Variants in KRT5 observed in about 807,000 individuals in gnomAD.
KRT5 encodes keratin 5.
A neutral mutation model predicts 44.0 loss-of-function variants in KRT5; 17 were observed. The ratio of observed to expected loss-of-function variants is 0.39; its 90% confidence interval spans 0.26 to 0.58. KRT5 has a LOEUF of 0.58. Ranked by LOEUF, KRT5 falls within the 20% of genes least tolerant of loss-of-function variation. The pLI, the probability that KRT5 is intolerant of heterozygous loss-of-function variation, is 0.61. For synonymous variants in KRT5, 329 were observed against 312.8 expected, an observed-to-expected ratio of 1.05 and a Z score of -0.55; for missense variants, 737 against 785.5, an observed-to-expected ratio of 0.94 and a Z score of 0.74.
Position 52,520,089 on chromosome 12 carries a change from C to T in KRT5, c.208G>A (p.Gly70Ser). ...YGSRSLYNLG[G>S]SKRISISTSG... Reference sequence around the variant, plus strand: ...GTGCTGATGGATATCCTCTTGGAGCCCCCCAGGTTGTAGAGGCTCCGGCTG... The same window carrying T: ...GTGCTGATGGATATCCTCTTGGAGCTCCCCAGGTTGTAGAGGCTCCGGCTG... The change falls in exon 1 of 9, where the codon GGC (glycine) becomes AGC (serine). Residue 70 changes from glycine (G) to serine (S), a missense_variant. This residue lies in a region of KRT5 where 326 missense variants were observed against 333.1 expected (regional missense o/e 0.98). Coordinates refer to ENST00000252242, the MANE Select transcript of KRT5 (RefSeq NM_000424.4). 2 of 1,614,116 alleles carry T rather than the reference C, an allele frequency of 1.2e-6. No individual in the cohort carries two copies. The highest frequency in any genetic ancestry group is 1.7e-6 in the Non-Finnish European group (2 of 1,179,998).
At position 52,520,177 on chromosome 12, in the gene KRT5, AC is replaced by A; in HGVS notation, c.119del (p.Gly40ValfsTer111). 1 of 1,613,428 alleles carries A rather than the reference AC, an allele frequency of 6.2e-7. No homozygotes were observed. The highest frequency in any genetic ancestry group is 8.5e-7 in the Non-Finnish European group (1 of 1,179,702). Reference sequence around the variant, plus strand: ...CCCTGCCGAAGCCACCACCACCGCCACCCCCGGACCGGGACACGGAGGTGAA... The same window carrying A: ...CCCTGCCGAAGCCACCACCACCGCCACCCCGGACCGGGACACGGAGGTGAA... Reference protein sequence around the residue: ...TSFTSVSRSGGGGGGGFGRVS... With the variant: ...TSFTSVSRSGXGGGGGFGRVS... On this transcript the variant is annotated frameshift_variant, in exon 1 of 9. Coordinates refer to ENST00000252242, the MANE Select transcript of KRT5 (RefSeq NM_000424.4). LOFTEE classifies it high-confidence loss of function.
Position 52,514,725 on chromosome 12 carries a change from T to C in KRT5, c.*217A>G, listed in dbSNP as rs1013801300. On this transcript the variant is annotated 3_prime_UTR_variant, in exon 9 of 9. Coordinates refer to ENST00000252242, the MANE Select transcript of KRT5 (RefSeq NM_000424.4). ...AGCAGGGGCCATGCTGTGGGAAACCTGAAGGCTGATTTGAAGCAGAATATA... is the reference window on the plus strand; with the variant it reads ...AGCAGGGGCCATGCTGTGGGAAACCCGAAGGCTGATTTGAAGCAGAATATA... 1.8e-6 allele frequency: 1 copy of C among 571,388 alleles called. No homozygotes were observed. The highest frequency in any genetic ancestry group is 3.1e-6 in the Non-Finnish European group (1 of 322,966). 35.4% of individuals were successfully genotyped at this position (571,388 alleles called of 1,614,324 possible). A position where few individuals can be genotyped will look rare whatever the true frequency, so the allele number is the denominator to read the frequency against.
chr12:52,515,317 G>A, intron 8 of KRT5, 77 bp from the exon 9 acceptor site: 1 of 1,589,844 alleles, frequency 6.3e-7, no homozygotes, highest in South Asian at 1.1e-5. Context: ...TTGATCTGCT[G>A]GTGTTGGAGC....
At position 52,517,679 on chromosome 12, in the gene KRT5, G is replaced by A. The variant is rs1192274232; in HGVS notation, c.1003C>T (p.Leu335=). ...TTGACCTCAGCGATGATGCTATCCAGGTCCAGGTTGCGGTTGTTGTCCATG... is the reference window on the plus strand; with the variant it reads ...TTGACCTCAGCGATGATGCTATCCAAGTCCAGGTTGCGGTTGTTGTCCATG... ...LSMDNNRNLD[L]DSIIAEVKAQ... Residue 335 remains leucine, a synonymous_variant, in exon 5 of 9, where the codon CTG becomes TTG. Transcript: ENST00000252242. 6.2e-7 allele frequency: 1 copy of A among 1,614,204 alleles called. No homozygotes were observed. Among genetic ancestry groups the A allele is most frequent in the East Asian group, 2.2e-5 (1 of 44,868 alleles).
Position 52,519,947 on chromosome 12 carries a change from A to C in KRT5, c.350T>G (p.Leu117Arg), listed in dbSNP as rs761445270. Residue 117 changes from leucine (L) to arginine (R), a missense_variant, in exon 1 of 9, where the codon CTC becomes CGC. This residue lies in a region of KRT5 where 326 missense variants were observed against 333.1 expected (regional missense o/e 0.98). Transcript: ENST00000252242. ...ACCTCCAAAGCCAGCTCCGCCACCG[A>C]GCCCAAAGCCACCACCAGCTCCACC... Reference protein sequence around the residue: ...FGGGAGGGFGLGGGAGFGGGF... With the variant: ...FGGGAGGGFGRGGGAGFGGGF... 1.2e-6 allele frequency: 2 copies of C among 1,612,520 alleles called. No homozygotes were observed. The highest frequency in any genetic ancestry group is 2.2e-5 in the South Asian group (2 of 90,876).
Position 52,519,125 on chromosome 12 carries a change from G to T in KRT5, c.591C>A (p.Asp197Glu), listed in dbSNP as rs641615. 0.26 allele frequency: 420,933 copies of T among 1,610,082 alleles called. 55,915 individuals are homozygous for T. Among genetic ancestry groups the T allele is most frequent in the East Asian group, 0.38 (17,204 of 44,766 alleles). The change falls in exon 2 of 9, where the codon GAC becomes GAA. Residue 197 changes from aspartate to glutamate, a missense_variant. Around this residue, in one of 5 missense-constraint regions of KRT5, gnomAD observed 326 missense variants for 333.1 expected, o/e 0.98. Transcript: ENST00000252242. ...GCTCCTGCAGCAGGGTCCACTTGGTGTCCAGAACCTTGTTCTGCTGCTCCA... is the reference window on the plus strand; with the variant it reads ...GCTCCTGCAGCAGGGTCCACTTGGTTTCCAGAACCTTGTTCTGCTGCTCCA... ...RFLEQQNKVL[D>E]TKWTLLQEQG...
chr12:52,515,679 TATAA>T (rs896256478), intron 8 of KRT5, 115 bp downstream of exon 8: 1 of 841,948 alleles, frequency 1.2e-6, no homozygotes, highest in African/African-American at 1.7e-5. Context: ...AGTGTATTAT[TATAA>T]ATAACCATAT....
chr12:52,515,595 T>A, intron 8 of KRT5: 1 of 658,568 alleles, frequency 1.5e-6, no homozygotes. Context: ...GGCTTACCCT[T>A]TAAGAGATGA....
Position 52,515,002 on chromosome 12 carries a change from G to A in KRT5, c.1713C>T (p.Ser571=). The change falls in exon 9 of 9, where the codon AGC becomes AGT. Residue 571 remains serine (S), a synonymous_variant. Coordinates refer to ENST00000252242, the MANE Select transcript of KRT5 (RefSeq NM_000424.4). ...LGVGFGSGGG[S]SSSVKFVSTT... is the part of the protein sequence containing the mutation. ...TGGAGACAAATTTGACGCTGGAGCT[G>A]CTACCCCCGCCACTGCCAAAGCCCA... 1.2e-6 allele frequency: 2 copies of A among 1,611,760 alleles called. No homozygotes were observed. The highest frequency in any genetic ancestry group is 1.7e-6 in the Non-Finnish European group (2 of 1,179,490).
chr12:52,519,397 C>T lies in KRT5; in HGVS notation c.556-237G>A, dbSNP rs116698689. On this transcript the variant is annotated intron_variant, in intron 1 of 8. Transcript: ENST00000252242. ...TAGGAGTGCTGCTTGGAGTGTGTCCCGGCTCAGGGGTGGCTGCAAAGGCAC... is the reference window on the plus strand; with the variant it reads ...TAGGAGTGCTGCTTGGAGTGTGTCCTGGCTCAGGGGTGGCTGCAAAGGCAC... 8.8e-4 allele frequency: 596 copies of T among 673,726 alleles called. 4 individuals carry two copies. In the African/African-American group the frequency reaches 9.2e-3, roughly 10 times the overall value. The allele number at this position is 673,726 out of a possible 1,614,324, so 41.7% of individuals were successfully genotyped here.
intron 7 of KRT5, 141 bp downstream of exon 7, chr12:52,516,496 G>A: frequency 1.1e-6 from 1 of 878,010 alleles, no homozygotes; most frequent in Admixed American, 1.9e-5. Flanking sequence ...ATATGGCCAT[G>A]AGTCAGACTG....
intron 6 of KRT5, 48 bp from the exon 7 acceptor site, chr12:52,516,905 C>T: frequency 1.2e-6 from 2 of 1,603,082 alleles, no homozygotes; most frequent in South Asian, 1.1e-5. Context: ...CCTGAGGTGT[C>T]TCCTTCTGAG....
chr12:52,514,844 C>T lies in KRT5; in HGVS notation c.*98G>A. The T allele has an allele frequency of 1.8e-6, 2 of 1,098,576 alleles. No homozygotes were observed. Among genetic ancestry groups the T allele is most frequent in the Non-Finnish European group, 2.7e-6 (2 of 727,970 alleles). 68.1% of individuals were successfully genotyped at this position (1,098,576 alleles called of 1,614,324 possible). A position where few individuals can be genotyped will look rare whatever the true frequency, so the allele number is the denominator to read the frequency against. ...AATTGGCTTGGTCTAGACTACTCTC[C>T]AGAAAAGGATAAAACATGGCTTGAG... On this transcript the variant is annotated 3_prime_UTR_variant, in exon 9 of 9. Transcript: ENST00000252242.
At position 52,520,057 on chromosome 12, in the gene KRT5, A is replaced by T. The variant is rs1065116; in HGVS notation, c.240T>A (p.Gly80=). Residue 80 remains glycine (G), a synonymous_variant, in exon 1 of 9, where the codon GGT becomes GGA. Transcript: ENST00000252242. Reference sequence around the variant, plus strand: ...CACCAAACCGGTTCCTGAAGCTGCCACCACTAGTGCTGATGGATATCCTCT... The same window carrying T: ...CACCAAACCGGTTCCTGAAGCTGCCTCCACTAGTGCTGATGGATATCCTCT... ...GSKRISISTS[G]GSFRNRFGAG... The T allele has an allele frequency of 6.2e-7, 1 of 1,613,926 alleles. No homozygotes were observed. The highest frequency in any genetic ancestry group is 8.5e-7 in the Non-Finnish European group (1 of 1,179,942).
In KRT5 at chr12:52,514,685, T is replaced by G; in HGVS notation, c.*257A>C. On this transcript the variant is annotated 3_prime_UTR_variant, in exon 9 of 9. Transcript: ENST00000252242. ...TTGATGATTTAGATTTGGGAAAACTTTGGGTTCTCGTGTCAGCAGGGGCCA... is the reference window on the plus strand; with the variant it reads ...TTGATGATTTAGATTTGGGAAAACTGTGGGTTCTCGTGTCAGCAGGGGCCA... 4.1e-6 allele frequency: 2 copies of G among 482,466 alleles called. No individual in the cohort carries two copies. Among genetic ancestry groups the G allele is most frequent in the Non-Finnish European group, 7.3e-6 (2 of 273,724 alleles). 29.9% of individuals were successfully genotyped at this position (482,466 alleles called of 1,614,324 possible).
chr12:52,520,230 T>A lies in KRT5; in HGVS notation c.67A>T (p.Ile23Phe). 1 of 1,613,996 alleles carries A rather than the reference T, an allele frequency of 6.2e-7. No individual in the cohort carries two copies. Among genetic ancestry groups the A allele is most frequent in the Non-Finnish European group, 8.5e-7 (1 of 1,180,008 alleles). Reference protein sequence around the residue: ...GSRSFSTASAITPSVSRTSFT... With the variant: ...GSRSFSTASAFTPSVSRTSFT... ...CTGGTGCGGGAGACAGACGGGGTGA[T>A]GGCAGAGGCGGTGCTGAAGCTACGA... Residue 23 changes from isoleucine to phenylalanine, a missense_variant, in exon 1 of 9, where the codon ATC (isoleucine) becomes TTC (phenylalanine). By Grantham distance (21) the Ile-to-Phe change is conservative. Around this residue, in one of 5 missense-constraint regions of KRT5, gnomAD observed 326 missense variants for 333.1 expected, o/e 0.98. Transcript: ENST00000252242.
At position 52,519,801 on chromosome 12, in the gene KRT5, T is replaced by C; in HGVS notation, c.496A>G (p.Thr166Ala). Residue 166 changes from threonine (T) to alanine (A), a missense_variant, in exon 1 of 9, where the codon ACC becomes GCC. Physicochemically the swap from Thr to Ala is moderately conservative, Grantham distance 58 (BLOSUM62 0). Coordinates refer to ENST00000252242, the MANE Select transcript of KRT5 (RefSeq NM_000424.4). ...GTCTTGATCTGCTCGCGCTCCTCGG[T>C]CCTCACCCTCTGGATGCTGGGGTCG... ...QIDPSIQRVRTEEREQIKTLN... is the reference protein window; with the variant it reads ...QIDPSIQRVRAEEREQIKTLN... 6.2e-7 allele frequency: 1 copy of C among 1,614,044 alleles called. No individual in the cohort carries two copies. The highest frequency in any genetic ancestry group is 8.5e-7 in the Non-Finnish European group (1 of 1,180,004).
Position 52,514,957 on chromosome 12 carries a change from C to T in KRT5, c.1758G>A (p.Lys586=), listed in dbSNP as rs1938579718. ...KFVSTTSSSR[K]SFKS ...CAGCAGGTTCTTAGCTCTTGAAGCT[C>T]TTCCGGGAGGAGGAGGTGGTGGAGA... The change falls in exon 9 of 9, where the codon AAG becomes AAA. Residue 586 remains lysine (K), a synonymous_variant. Coordinates refer to ENST00000252242, the MANE Select transcript of KRT5 (RefSeq NM_000424.4). 18 of 1,613,766 alleles carry T rather than the reference C, an allele frequency of 1.1e-5. No homozygotes were observed. Among genetic ancestry groups the T allele is most frequent in the Non-Finnish European group, 1.5e-5 (18 of 1,179,992 alleles).
Position 52,517,109 on chromosome 12 carries a change from GTT to G in KRT5, c.1214_1215del (p.Lys405ThrfsTer47). On this transcript the variant is annotated frameshift_variant, in exon 6 of 9. Transcript: ENST00000252242. LOFTEE classifies it high-confidence loss of function. The stretch of plus-strand genomic sequence containing the variant: ...GCCCTCTTTCAATCTCACCCTACCT[GTT>G]TCTTGACATTGTCAATCTCGGCTCT... ...RLRAEIDNVK[K>X]QCANLQNAIA... 6.2e-7 allele frequency: 1 copy of G among 1,614,106 alleles called. No homozygotes were observed. The highest frequency in any genetic ancestry group is 8.5e-7 in the Non-Finnish European group (1 of 1,180,018).
Sources: allele counts gnomAD v4.1 joint callset, GRCh38; gene constraint gnomAD v4.1.1; regional missense constraint gnomAD v4.1.1; transcripts MANE v1.5; gene names NCBI Gene and HGNC (gene_info 2026-07-23, HGNC 2026-07-21).